PYY: variants seen among roughly 807,000 people sequenced by gnomAD.
The protein encoded by PYY is peptide YY.
In PYY, 12 loss-of-function variants were observed where a neutral mutation model predicts 10.3. That is an observed-to-expected ratio of 1.17 (90% CI 0.75 to 1.89). PYY has a LOEUF of 1.89. Ranked by LOEUF, PYY falls within the 40% of genes most tolerant of loss-of-function variation. PYY has a pLI of 0.00. For missense variants in PYY, 141 were observed against 134.0 expected, an observed-to-expected ratio of 1.05 and a Z score of -0.26; for synonymous variants, 66 against 62.0, an observed-to-expected ratio of 1.06 and a Z score of -0.30.
intron 1 of PYY, among the ~76,000 whole-genome samples, chr17:43,992,309 G>A (rs1480489135): frequency 5.3e-5 from 8 of 151,992 alleles, no homozygotes; most frequent in South Asian, 2.1e-4. Flanking sequence ...GGCCAGGCAC[G>A]GTGGATCATG....
At chr17:43,984,445 G>T (rs1468819477) in intron 1 of PYY, among the ~76,000 whole-genome samples, 1 of 152,232 alleles carries the variant, frequency 6.6e-6, no homozygotes, top group African/African-American at 2.4e-5. Context: ...GAACTGGGGC[G>T]CGGGCCTGCC....
At chr17:43,973,812 G>A (rs544952077) in intron 1 of PYY, among the ~76,000 whole-genome samples, 4 of 152,164 alleles carry the variant, frequency 2.6e-5, no homozygotes, top group Admixed American at 6.5e-5. Flanking sequence ...AAATAAATAA[G>A]TATATAAGAA....
chr17:43,963,617 A>AGAAAGAAAGAAAGAAAGAAAGAAG (rs2048732472), intron 2 of PYY, among the ~76,000 whole-genome samples: 11 of 77,572 alleles, frequency 1.4e-4, no homozygotes, highest in Admixed American at 1.4e-3. Context: ...AAAGAAAGAA[A>AGAAAGAAAGAAAGAAAGAAAGAAG]GAAAGAAAGA....
chr17:43,976,237 G>A lies in PYY; in HGVS notation c.-462-9705C>T, dbSNP rs1465886198. On this transcript the variant is annotated intron_variant, in intron 1 of 6. Transcript: ENST00000360085. ...TATATGTATACATATATACATATGC[G>A]TATATATACACATATGTATACATGT... Among the ~76,000 whole-genome samples, 13 of 127,926 alleles carry A rather than the reference G, an allele frequency of 1.0e-4. 1 individual carries two copies. The highest frequency in any genetic ancestry group is 2.5e-4 in the African/African-American group (8 of 31,588). 83.9% of individuals were successfully genotyped at this position (127,926 alleles called of 152,430 possible).
intron 1 of PYY, among the ~76,000 whole-genome samples, chr17:43,989,494 T>C (rs1171379459): frequency 2.0e-5 from 3 of 152,074 alleles, no homozygotes; most frequent in Non-Finnish European, 4.4e-5. Context: ...CCACCCAGAG[T>C]ACACTAGGAT....
chr17:43,994,461 G>T (rs892193052), intron 1 of PYY, among the ~76,000 whole-genome samples: 1 of 152,136 alleles, frequency 6.6e-6, no homozygotes, highest in South Asian at 2.1e-4. Context: ...CGCAGCCACC[G>T]TGTAAGGTAG....
chr17:43,970,127 G>C (rs985256556), intron 1 of PYY, among the ~76,000 whole-genome samples: 5 of 148,356 alleles, frequency 3.4e-5, no homozygotes, highest in African/African-American at 5.0e-5. Flanking sequence ...CTTAAACCCA[G>C]GAGTGTGAGG....
chr17:43,994,800 T>C (rs547055677), intron 1 of PYY, among the ~76,000 whole-genome samples: 106 of 151,684 alleles, frequency 7.0e-4, no homozygotes, highest in African/African-American at 2.2e-3. Flanking sequence ...AGGGTTGGGG[T>C]CTCGGGATCC....
chr17:43,964,488 C>G (rs561908867), intron 2 of PYY, among the ~76,000 whole-genome samples: 1 of 152,204 alleles, frequency 6.6e-6, no homozygotes, highest in Non-Finnish European at 1.5e-5. Context: ...CGGTGGCTGA[C>G]GCCTGTAACC....
intron 2 of PYY, among the ~76,000 whole-genome samples, chr17:43,966,084 T>C (rs988261690): frequency 1.1e-4 from 16 of 152,212 alleles, no homozygotes; most frequent in Non-Finnish European, 2.2e-4. Context: ...TCCCCATGGA[T>C]ATCTCTCAGT....
intron 1 of PYY, among the ~76,000 whole-genome samples, chr17:43,970,705 G>A (rs917449911): frequency 3.3e-5 from 5 of 152,270 alleles, no homozygotes; most frequent in East Asian, 1.9e-4. Context: ...GTATCACTCC[G>A]AAGGACCCCC....
At chr17:43,978,838 C>G (rs1401719748) in intron 1 of PYY, among the ~76,000 whole-genome samples, 1 of 152,198 alleles carries the variant, frequency 6.6e-6, no homozygotes, top group Non-Finnish European at 1.5e-5. Context: ...TCCCTGTGCT[C>G]CCAGCAGCAT....
chr17:43,994,139 C>T (rs1346685728), intron 1 of PYY, among the ~76,000 whole-genome samples: 2 of 150,568 alleles, frequency 1.3e-5, no homozygotes, highest in East Asian at 2.0e-4. Flanking sequence ...CAGGCATGGG[C>T]CACTACACCC....
intron 1 of PYY, among the ~76,000 whole-genome samples, chr17:43,967,921 C>G (rs1424473441): frequency 1.3e-5 from 2 of 151,984 alleles, no homozygotes; most frequent in Non-Finnish European, 2.9e-5. Context: ...CGTTCTGCCT[C>G]GAGGAGTGGA....
At chr17:43,989,027 G>A (rs917910477) in intron 1 of PYY, among the ~76,000 whole-genome samples, 3 of 151,208 alleles carry the variant, frequency 2.0e-5, no homozygotes, top group African/African-American at 7.3e-5. Context: ...CTCCCAAAGT[G>A]CTGAGATTAC....
At chr17:43,955,246 T>A (rs1480449227), upstream of PYY, among the ~76,000 whole-genome samples, 1 of 152,156 alleles carries the variant, frequency 6.6e-6, no homozygotes, top group Non-Finnish European at 1.5e-5. Context: ...CCCTTCCAGC[T>A]TCCTCTCCCT....
chr17:43,994,281 C>A (rs1165752763), intron 1 of PYY, among the ~76,000 whole-genome samples: 3 of 152,148 alleles, frequency 2.0e-5, no homozygotes, highest in African/African-American at 7.2e-5. Flanking sequence ...GTGCTCAACA[C>A]AAATCAAGGC....
intron 1 of PYY, among the ~76,000 whole-genome samples, chr17:43,992,043 C>T (rs1265481078): frequency 6.6e-6 from 1 of 150,560 alleles, no homozygotes; most frequent in Non-Finnish European, 1.5e-5. Context: ...ATGGCGTGAA[C>T]CTGGGAGGCG....
At chr17:43,999,820 T>C (rs970454431) in intron 1 of PYY, among the ~76,000 whole-genome samples, 15 of 151,624 alleles carry the variant, frequency 9.9e-5, no homozygotes, top group Admixed American at 3.3e-4. Flanking sequence ...TAACTGTGTT[T>C]ATATGCTGGT....
Sources: gnomAD v4.1 joint callset for allele counts (sites outside exome capture counted in the v4.1 genomes callset) on GRCh38, gnomAD v4.1.1 for gene constraint, MANE v1.5 for transcripts, NCBI Gene and HGNC (gene_info 2026-07-23, HGNC 2026-07-21) for gene names.